The following FAM114A1 variants were observed in gnomAD, a reference collection of about 807,000 sequenced individuals.
FAM114A1 encodes the protein protein NOXP20.
FAM114A1 carries 62 observed loss-of-function variants against 64.3 expected under a neutral mutation model. The ratio of observed to expected loss-of-function variants is 0.96; its 90% CI spans 0.79 to 1.19. The LOEUF (loss-of-function observed/expected upper bound fraction) is 1.19. FAM114A1 is among the 50% of genes most tolerant of loss of function. FAM114A1 has a pLI of 0.00. For synonymous variants in FAM114A1, 254 were observed against 251.1 expected, an observed-to-expected ratio of 1.01 and a Z score of -0.11; for missense variants, 645 against 676.3, an observed-to-expected ratio of 0.95 and a Z score of 0.51.
At chr4:38,882,338 A>G (rs1187412713) in intron 3 of FAM114A1, among the ~76,000 whole-genome samples, 1 of 147,610 alleles carries the variant, frequency 6.8e-6, no homozygotes, top group Non-Finnish European at 1.5e-5. Context: ...AAAAAAAAAA[A>G]AAAGTTTCTG....
At chr4:38,919,828 A>C (rs1719418080) in intron 8 of FAM114A1, among the ~76,000 whole-genome samples, 1 of 152,240 alleles carries the variant, frequency 6.6e-6, no homozygotes, top group South Asian at 2.1e-4. Flanking sequence ...TGGAAATATA[A>C]GGAATTACTA....
chr4:38,943,472 C>T lies in FAM114A1; in HGVS notation c.1607C>T (p.Thr536Met), dbSNP rs779572055. The change falls in exon 15 of 15, where the codon ACG becomes ATG. Residue 536 changes from threonine to methionine, a missense_variant. By Grantham distance (81) the Thr-to-Met change is moderately conservative. Transcript: ENST00000358869. ...CTCTCACAGGGCTGCAACAGTACAA[C>T]GTACATACAGGATGCCTTCCAGCTG... ...SVLLEGCNST[T>M]YIQDAFQLLL... is the part of the protein sequence containing the mutation. 8 of 1,614,038 alleles carry T rather than the reference C, an allele frequency of 5.0e-6. 1 individual carries two copies. The highest frequency in any genetic ancestry group is 3.3e-5 in the South Asian group (3 of 91,082).
intron 13 of FAM114A1, among the ~76,000 whole-genome samples, chr4:38,937,235 G>T (rs557749298): frequency 6.6e-6 from 1 of 152,242 alleles, no homozygotes; most frequent in Admixed American, 6.5e-5. Flanking sequence ...TTATTTTCTC[G>T]TGGTTCTGGA....
chr4:38,883,522 A>G (rs1003369418), intron 3 of FAM114A1, among the ~76,000 whole-genome samples: 1 of 152,228 alleles, frequency 6.6e-6, no homozygotes, highest in Non-Finnish European at 1.5e-5. Flanking sequence ...ACACCAACGC[A>G]TAAGGCCGAT....
intron 4 of FAM114A1, among the ~76,000 whole-genome samples, chr4:38,903,482 T>A (rs543245180): frequency 6.6e-6 from 1 of 152,308 alleles, no homozygotes; most frequent in East Asian, 1.9e-4. Flanking sequence ...CTCATTTTTT[T>A]CCTTGATTTT....
chr4:38,936,256 C>T (rs1216233894), intron 13 of FAM114A1, among the ~76,000 whole-genome samples: 1 of 151,622 alleles, frequency 6.6e-6, no homozygotes, highest in East Asian at 1.9e-4. Context: ...CCACACCCGG[C>T]TAATTTTTTT....
At chr4:38,875,483 G>T (rs1294548451) in intron 2 of FAM114A1, among the ~76,000 whole-genome samples, 2 of 152,136 alleles carry the variant, frequency 1.3e-5, no homozygotes, top group Non-Finnish European at 2.9e-5. Flanking sequence ...GACATTATTG[G>T]TGTATAGAAA....
intron 7 of FAM114A1, among the ~76,000 whole-genome samples, chr4:38,914,239 C>T (rs1718826392): frequency 2.0e-5 from 3 of 151,838 alleles, no homozygotes; most frequent in South Asian, 2.1e-4. Context: ...ACATAAAACT[C>T]GCTCATTATA....
intron 7 of FAM114A1, among the ~76,000 whole-genome samples, chr4:38,913,160 TA>T (rs58454626): frequency 0.15 from 22,155 of 152,212 alleles, 2,012 homozygotes; most frequent in Middle Eastern, 0.21. Context: ...CCACAGAAAT[TA>T]AAGAACCCCA....
intron 13 of FAM114A1, among the ~76,000 whole-genome samples, chr4:38,937,389 G>A (rs1294447929): frequency 6.6e-6 from 1 of 152,090 alleles, no homozygotes; most frequent in African/African-American, 2.4e-5. Context: ...TCTGTGTCTT[G>A]ACATGGCTGC....
intron 3 of FAM114A1, among the ~76,000 whole-genome samples, chr4:38,880,830 T>C (rs1228395305): frequency 6.6e-6 from 1 of 152,212 alleles, no homozygotes; most frequent in Non-Finnish European, 1.5e-5. Flanking sequence ...TCCATACTAA[T>C]TCAAAATCCA....
At chr4:38,898,131 A>G (rs1717128646) in intron 4 of FAM114A1, among the ~76,000 whole-genome samples, 1 of 152,198 alleles carries the variant, frequency 6.6e-6, no homozygotes, top group African/African-American at 2.4e-5. Context: ...GCTCTATAGT[A>G]GAATACAGTA....
intron 10 of FAM114A1, 82 bp from the exon 11 acceptor site, chr4:38,931,369 C>G: frequency 6.7e-7 from 1 of 1,485,348 alleles, no homozygotes; most frequent in Non-Finnish European, 9.0e-7. Flanking sequence ...CTTAGAGACA[C>G]TTGATTCTAG....
chr4:38,933,482 A>G (rs540701502), intron 12 of FAM114A1, among the ~76,000 whole-genome samples: 3 of 152,184 alleles, frequency 2.0e-5, no homozygotes, highest in Non-Finnish European at 4.4e-5. Context: ...AATATTAACC[A>G]GTTCACTGTG....
At chr4:38,905,930 C>T (rs1369129576) in intron 6 of FAM114A1, 69 bp downstream of exon 6, 2 of 1,371,808 alleles carry the variant, frequency 1.5e-6, no homozygotes, top group African/African-American at 1.5e-5. Flanking sequence ...TTTCCATTTA[C>T]CAGTGACCTA....
At chr4:38,886,235 G>A (rs1403757261) in intron 3 of FAM114A1, among the ~76,000 whole-genome samples, 2 of 150,004 alleles carry the variant, frequency 1.3e-5, no homozygotes, top group African/African-American at 4.9e-5. Context: ...GCAGTGGCAC[G>A]ATCTCAGCTC....
At chr4:38,890,682 T>C (rs969411796) in intron 3 of FAM114A1, among the ~76,000 whole-genome samples, 4 of 152,206 alleles carry the variant, frequency 2.6e-5, no homozygotes, top group African/African-American at 9.7e-5. Flanking sequence ...GGTTCCCTAC[T>C]TGAGTTAGGA....
chr4:38,913,961 G>A (rs1579364280), intron 7 of FAM114A1, among the ~76,000 whole-genome samples: 1 of 151,856 alleles, frequency 6.6e-6, no homozygotes, highest in African/African-American at 2.4e-5. Flanking sequence ...TTAGCTGGCT[G>A]TGGTGGCGGG....
At chr4:38,868,101 G>A (rs1439348466) in intron 1 of FAM114A1, 2 of 339,812 alleles carry the variant, frequency 5.9e-6, no homozygotes, top group Admixed American at 6.0e-5. Flanking sequence ...CCACGCTCAT[G>A]CACACACCCA....
Sources: gnomAD v4.1 joint callset for allele counts (sites outside exome capture counted in the v4.1 genomes callset) on GRCh38, gnomAD v4.1.1 for gene constraint, MANE v1.5 for transcripts, NCBI Gene and HGNC (gene_info 2026-07-23, HGNC 2026-07-21) for gene names.